SYN3: variants seen among roughly 807,000 people sequenced by gnomAD.
SYN3 encodes the protein synapsin III.
A neutral mutation model predicts 65.8 loss-of-function variants in SYN3; 35 were observed. That is an observed-to-expected ratio of 0.53 (90% CI 0.41 to 0.70). The LOEUF is 0.70. Ranked by LOEUF, SYN3 falls within the 30% of genes least tolerant of loss-of-function variation. The pLI is 0.00. For synonymous variants in SYN3, 270 were observed against 292.9 expected (o/e 0.92, Z 0.80); for missense variants, 680 against 749.0 (o/e 0.91, Z 1.08).
intron 6 of SYN3, among the ~76,000 whole-genome samples, chr22:32,808,974 C>A (rs1013665370): frequency 6.6e-6 from 1 of 152,200 alleles, no homozygotes; most frequent in Non-Finnish European, 1.5e-5. Context: ...CTAGTCCTGT[C>A]TTCTGGTGGA....
At chr22:33,045,184 C>A (rs1044102401) in intron 1 of SYN3, among the ~76,000 whole-genome samples, 1 of 152,134 alleles carries the variant, frequency 6.6e-6, no homozygotes, top group African/African-American at 2.4e-5. Context: ...AAGCAGCTGT[C>A]CAGACAGCTA....
rs542697428 is a variant in SYN3, at chr22:32,949,780, A to G, written c.370-18299T>C. On this transcript the variant is annotated intron_variant, in intron 3 of 13. Transcript: ENST00000358763. ...TGGTGATTGTAATCATCATCATAAT[A>G]CTAAGCTGAAGCATGTTATTAGGCC... Among the ~76,000 whole-genome samples, 12 of 152,354 alleles carry G rather than the reference A, an allele frequency of 7.9e-5. No individual in the cohort carries two copies. The East Asian group carries it at 2.1e-3, about 27-fold the overall frequency.
At chr22:32,601,366 C>CT (rs2059280457) in intron 6 of SYN3, among the ~76,000 whole-genome samples, 1 of 151,992 alleles carries the variant, frequency 6.6e-6, no homozygotes. Context: ...CAAGCTCTGC[C>CT]TCCTGGGTTC....
intron 4 of SYN3, 29 bp from the exon 5 acceptor site, chr22:32,869,154 A>G (rs1197264350): frequency 4.4e-6 from 7 of 1,600,884 alleles, no homozygotes; most frequent in Non-Finnish European, 6.0e-6. Context: ...GTGTTACCAC[A>G]CTGGGACATT....
chr22:32,850,389 C>T lies in SYN3; in HGVS notation c.711+14526G>A, dbSNP rs138609126. Among the ~76,000 whole-genome samples the T allele has an allele frequency of 2.0e-5, 3 of 152,122 alleles. No homozygotes were observed. In the East Asian group the frequency reaches 5.8e-4, roughly 30 times the overall value. ...CAGGCATTCTAAGCACCCTGGGATGCGGGCCATGTTACTTGTAAGGAGGAG... is the reference window on the plus strand; with the variant it reads ...CAGGCATTCTAAGCACCCTGGGATGTGGGCCATGTTACTTGTAAGGAGGAG... On this transcript the variant is annotated intron_variant, in intron 6 of 13. Transcript: ENST00000358763.
intron 7 of SYN3, among the ~76,000 whole-genome samples, chr22:32,593,146 C>T (rs1408395074): frequency 6.6e-5 from 10 of 152,134 alleles, no homozygotes; most frequent in Admixed American, 3.9e-4. Flanking sequence ...TCAACTTGGT[C>T]GAGACTGTTA....
rs776254444 is a variant in SYN3, at chr22:32,527,907, C to T, written c.1318+11G>A. 1.3e-6 allele frequency: 2 copies of T among 1,581,954 alleles called. No homozygotes were observed. The highest frequency in any genetic ancestry group is 2.3e-5 in the South Asian group (2 of 87,098). ...GCATGCTTTCTTGCAGTGGCTCGTC[C>T]TGGGTCATACCTTGCGGAGGTGGGC... On this transcript the variant is annotated intron_variant, in intron 12 of 13. Transcript: ENST00000358763.
At chr22:32,980,853 T>TC (rs2052350961) in intron 2 of SYN3, 151 bp from the exon 3 acceptor site, 1 of 633,716 alleles carries the variant, frequency 1.6e-6, no homozygotes, top group Non-Finnish European at 2.7e-6. Context: ...ATTTTCTCAG[T>TC]CTTTTTTTTT....
At chr22:32,700,414 G>A (rs959557489) in intron 6 of SYN3, among the ~76,000 whole-genome samples, 58 of 152,070 alleles carry the variant, frequency 3.8e-4, no homozygotes, top group African/African-American at 1.4e-3. Context: ...TGTAAACAAG[G>A]GAGGGTCATG....
chr22:32,826,019 T>C (rs1396661709), intron 6 of SYN3, among the ~76,000 whole-genome samples: 1 of 152,260 alleles, frequency 6.6e-6, no homozygotes, highest in Non-Finnish European at 1.5e-5. Context: ...AGCATAGTTA[T>C]AACTGGACAG....
At chr22:32,738,403 G>A (rs1411358879) in intron 6 of SYN3, among the ~76,000 whole-genome samples, 1 of 152,172 alleles carries the variant, frequency 6.6e-6, no homozygotes, top group Non-Finnish European at 1.5e-5. Flanking sequence ...CGTTCAAAGA[G>A]GAAAAAGAAA....
At chr22:32,986,999 T>G (rs1322272841) in intron 2 of SYN3, among the ~76,000 whole-genome samples, 4 of 152,082 alleles carry the variant, frequency 2.6e-5, no homozygotes, top group Non-Finnish European at 4.4e-5. Flanking sequence ...GGGGCTCTTT[T>G]GTGGCTGCAG....
chr22:32,679,849 T>TTTTTTTTTTTTTTTTTTA (rs2060499915), intron 6 of SYN3, among the ~76,000 whole-genome samples: 3 of 140,338 alleles, frequency 2.1e-5, no homozygotes, highest in Non-Finnish European at 4.7e-5. Context: ...CTTTTTTTTT[T>TTTTTTTTTTTTTTTTTTA]TTTTTTTTTG....
chr22:32,548,505 TG>T (rs1300125147), intron 7 of SYN3, among the ~76,000 whole-genome samples: 1 of 152,146 alleles, frequency 6.6e-6, no homozygotes, highest in Non-Finnish European at 1.5e-5. Context: ...CCTGAGTAGC[TG>T]GGACTACAGG....
intron 2 of SYN3, among the ~76,000 whole-genome samples, chr22:33,000,176 G>C (rs2053016516): frequency 6.6e-6 from 1 of 152,112 alleles, no homozygotes; most frequent in South Asian, 2.1e-4. Context: ...GACAAGCCTA[G>C]GCAACACAGT....
At chr22:32,558,381 C>T (rs570331976) in intron 7 of SYN3, among the ~76,000 whole-genome samples, 8 of 152,296 alleles carry the variant, frequency 5.3e-5, no homozygotes, top group African/African-American at 1.7e-4. Context: ...GTTGTTCCTC[C>T]CATTTCAGGG....
At chr22:32,560,004 G>A (rs111519254) in intron 7 of SYN3, among the ~76,000 whole-genome samples, 2 of 152,216 alleles carry the variant, frequency 1.3e-5, no homozygotes, top group Non-Finnish European at 2.9e-5. Context: ...ACTGGGAAGG[G>A]CAAAACGCCT....
intron 3 of SYN3, among the ~76,000 whole-genome samples, chr22:32,955,109 T>C (rs951874404): frequency 6.6e-6 from 1 of 152,052 alleles, no homozygotes; most frequent in African/African-American, 2.4e-5. Context: ...ACCCTCCATA[T>C]GATCCAGTCT....
chr22:32,589,965 A>G (rs1030762016), intron 7 of SYN3, among the ~76,000 whole-genome samples: 1 of 152,144 alleles, frequency 6.6e-6, no homozygotes, highest in Non-Finnish European at 1.5e-5. Flanking sequence ...CTTTCCATTC[A>G]TAGATCCTAA....
Sources: allele counts gnomAD v4.1 joint callset (sites outside exome capture counted in the v4.1 genomes callset), GRCh38; gene constraint gnomAD v4.1.1; transcripts MANE v1.5; gene names NCBI Gene and HGNC (gene_info 2026-07-23, HGNC 2026-07-21).